Variants in IL18R1 observed in about 807,000 individuals in gnomAD.
IL18R1 encodes the protein interleukin-18 receptor 1.
Under a neutral mutation model 48.5 loss-of-function variants are expected in IL18R1, and 40 were observed. That is an observed-to-expected ratio of 0.82 (90% confidence interval 0.64 to 1.07). IL18R1 has a LOEUF of 1.07. IL18R1 is among the 50% of genes least tolerant of loss of function. IL18R1 has a pLI of 0.00. For missense variants in IL18R1, 596 were observed against 633.7 expected (o/e 0.94, Z 0.64); for synonymous variants, 232 against 225.9 (o/e 1.03, Z -0.24).
At chr2:102,359,228 T>C (rs1343768437) in intron 1 of IL18R1, among the ~76,000 whole-genome samples, 2 of 152,190 alleles carry the variant, frequency 1.3e-5, no homozygotes, top group Non-Finnish European at 2.9e-5. Flanking sequence ...CTCCCTATCT[T>C]CATGTCAATC....
In IL18R1 at chr2:102,392,208, A is replaced by T. The variant is rs184727419; in HGVS notation, c.1111+1991A>T. Among the ~76,000 whole-genome samples, 165 of 152,332 alleles carry T rather than the reference A, an allele frequency of 1.1e-3. 2 individuals are homozygous for T. The Middle Eastern group carries it at 0.02, about 19-fold the overall frequency. ...AGAACTTTAAATTGAACAACATAAA[A>T]TTAGCAAGGTTAGTGAATTTAGCTT... is the stretch of plus-strand genomic sequence containing the variant. On this transcript the variant is annotated intron_variant, in intron 9 of 10. Coordinates refer to ENST00000233957, the MANE Select transcript of IL18R1 (RefSeq NM_003855.5).
chr2:102,370,633 C>A (rs11465596), intron 3 of IL18R1, among the ~76,000 whole-genome samples: 13,299 of 152,308 alleles, frequency 0.087, 772 homozygotes, highest in Non-Finnish European at 0.13. Flanking sequence ...TTGTGCAGAG[C>A]ACTTCTGGCC....
intron 5 of IL18R1, among the ~76,000 whole-genome samples, chr2:102,379,463 AAAAGGAAAG>A (rs1480936379): frequency 5.3e-5 from 8 of 151,764 alleles, no homozygotes; most frequent in Admixed American, 3.3e-4. Context: ...AAAAAAAAAA[AAAAGGAAAG>A]AAATGAATAC....
chr2:102,372,524 G>C (rs1679327396), intron 4 of IL18R1, among the ~76,000 whole-genome samples: 1 of 152,096 alleles, frequency 6.6e-6, no homozygotes, highest in South Asian at 2.1e-4. Context: ...ATTGGAAATG[G>C]TAATGCTTTT....
intron 6 of IL18R1, among the ~76,000 whole-genome samples, chr2:102,382,832 CT>C (rs1258145904): frequency 6.6e-6 from 1 of 151,998 alleles, no homozygotes; most frequent in Non-Finnish European, 1.5e-5. Context: ...CTGTCTTTGT[CT>C]TTCTTATTTT....
intron 5 of IL18R1, among the ~76,000 whole-genome samples, chr2:102,376,699 T>C (rs928033343): frequency 6.6e-6 from 1 of 152,074 alleles, no homozygotes; most frequent in Admixed American, 6.6e-5. Flanking sequence ...AGGGGAGGGA[T>C]GATGGACCCA....
At chr2:102,390,606 C>A (rs1292195201) in intron 9 of IL18R1, among the ~76,000 whole-genome samples, 1 of 152,118 alleles carries the variant, frequency 6.6e-6, no homozygotes, top group African/African-American at 2.4e-5. Flanking sequence ...ATTATTTCAA[C>A]CTGGCAAAGG....
intron 5 of IL18R1, 89 bp downstream of exon 5, chr2:102,376,152 G>T: frequency 9.0e-7 from 1 of 1,109,954 alleles, no homozygotes; most frequent in African/African-American, 1.6e-5. Flanking sequence ...GGAATTGAGA[G>T]TCCACTTAGT....
chr2:102,389,994 G>C, intron 8 of IL18R1, 62 bp from the exon 9 acceptor site: 1 of 1,554,400 alleles, frequency 6.4e-7, no homozygotes, highest in Non-Finnish European at 8.8e-7. Context: ...AGCACGTGAT[G>C]ATGGACAACA....
intron 1 of IL18R1, among the ~76,000 whole-genome samples, chr2:102,360,550 A>G (rs1234995825): frequency 2.6e-5 from 4 of 152,342 alleles, no homozygotes; most frequent in Non-Finnish European, 1.5e-5. Flanking sequence ...GGCATGAGCC[A>G]CTGTGCCCGG....
In IL18R1 at chr2:102,367,951, C is replaced by G. The variant is rs770879570; in HGVS notation, c.185C>G (p.Ser62Ter). ...AAAAGCTGGTACAAAAGCAGTGGATCACAGGAACATGTGGAGCTGAACCCA... is the reference window on the plus strand; with the variant it reads ...AAAAGCTGGTACAAAAGCAGTGGATGACAGGAACATGTGGAGCTGAACCCA... ...TTKSWYKSSG[S>*]QEHVELNPRS... Residue 62 changes from serine to a stop codon, truncating the protein, a stop_gained, in exon 3 of 11, where the codon TCA becomes TGA. Transcript: ENST00000233957. LOFTEE classifies it high-confidence loss of function. The G allele has an allele frequency of 1.9e-6, 3 of 1,614,234 alleles. No individual in the cohort carries two copies. The highest frequency in any genetic ancestry group is 2.5e-6 in the Non-Finnish European group (3 of 1,180,044).
chr2:102,371,684 A>C (rs567320499), intron 3 of IL18R1, among the ~76,000 whole-genome samples: 1 of 152,232 alleles, frequency 6.6e-6, no homozygotes, highest in East Asian at 1.9e-4. Context: ...TGTCTGCAGT[A>C]GGATATGTGC....
chr2:102,366,671 T>C (rs760089525), intron 2 of IL18R1, among the ~76,000 whole-genome samples: 41 of 152,146 alleles, frequency 2.7e-4, no homozygotes, highest in Admixed American at 5.9e-4. Flanking sequence ...AGGAGAAAGA[T>C]TTAATGGACT....
intron 9 of IL18R1, among the ~76,000 whole-genome samples, chr2:102,390,782 A>T (rs1240550487): frequency 6.6e-6 from 1 of 151,960 alleles, no homozygotes; most frequent in Non-Finnish European, 1.5e-5. Flanking sequence ...AAATACAAAA[A>T]ATTAGCCGGG....
intron 9 of IL18R1, among the ~76,000 whole-genome samples, chr2:102,394,084 G>A (rs1306417083): frequency 1.3e-5 from 2 of 152,084 alleles, no homozygotes; most frequent in African/African-American, 4.8e-5. Flanking sequence ...GTCTTTCTGA[G>A]CATAGAAATT....
At chr2:102,360,353 TC>T (rs1319753308) in intron 1 of IL18R1, among the ~76,000 whole-genome samples, 2 of 152,052 alleles carry the variant, frequency 1.3e-5, no homozygotes, top group African/African-American at 4.8e-5. Context: ...AAGCTCCGCC[TC>T]CCGGATTCAC....
intron 2 of IL18R1, among the ~76,000 whole-genome samples, chr2:102,363,244 C>T (rs955180883): frequency 1.3e-5 from 2 of 151,502 alleles, no homozygotes; most frequent in East Asian, 1.9e-4. Context: ...CATTCTTTAG[C>T]GTTCCATGAT....
intron 1 of IL18R1, among the ~76,000 whole-genome samples, chr2:102,359,235 A>G (rs1678436156): frequency 6.6e-6 from 1 of 152,208 alleles, no homozygotes; most frequent in South Asian, 2.1e-4. Context: ...TCTTCATGTC[A>G]ATCAAGAAAA....
At chr2:102,393,312 A>C (rs1261006919) in intron 9 of IL18R1, among the ~76,000 whole-genome samples, 3 of 152,210 alleles carry the variant, frequency 2.0e-5, no homozygotes, top group Non-Finnish European at 4.4e-5. Flanking sequence ...TTTTACCAAC[A>C]TTTCATACCT....
Sources: gnomAD v4.1 joint callset for allele counts (sites outside exome capture counted in the v4.1 genomes callset) on GRCh38, gnomAD v4.1.1 for gene constraint, MANE v1.5 for transcripts, NCBI Gene and HGNC (gene_info 2026-07-23, HGNC 2026-07-21) for gene names.